The following AARS2 variants were observed in gnomAD, a reference collection of about 807,000 sequenced individuals.
AARS2 encodes alanyl-tRNA synthetase 2, mitochondrial, also known as alanine--tRNA ligase, mitochondrial.
AARS2 carries 78 observed loss-of-function variants against 119.7 expected under a neutral mutation model. The observed-to-expected ratio is 0.65, with a 90% CI of 0.54 to 0.79. AARS2 has a LOEUF of 0.79. Ranked by LOEUF, AARS2 falls within the 30% of genes least tolerant of loss-of-function variation. AARS2 has a pLI of 0.00. For synonymous variants in AARS2, 502 were observed against 526.3 expected (o/e 0.95, Z 0.63); for missense variants, 1,157 against 1,291.3 (o/e 0.90, Z 1.59).
At chr6:44,304,055 C>T (rs1785604743) in intron 14 of AARS2, 126 bp downstream of exon 14, 6 of 1,402,934 alleles carry the variant, frequency 4.3e-6, no homozygotes, top group Non-Finnish European at 5.9e-6. Flanking sequence ...CCCAGGGTCC[C>T]ATAGTGATTG....
intron 21 of AARS2, chr6:44,300,928 T>C: frequency 2.7e-6 from 2 of 729,702 alleles, no homozygotes; most frequent in East Asian, 2.7e-5. Context: ...TTACAAGGGA[T>C]GTGAGGCCTG....
At chr6:44,311,664 A>G in intron 2 of AARS2, 129 bp from the exon 3 acceptor site, 2 of 1,171,978 alleles carry the variant, frequency 1.7e-6, no homozygotes, top group Non-Finnish European at 2.4e-6. Flanking sequence ...TCTTGTTCCC[A>G]GAATAAGCCA....
At chr6:44,306,805 C>G in intron 7 of AARS2, 118 bp downstream of exon 7, 1 of 980,404 alleles carries the variant, frequency 1.0e-6, no homozygotes, top group Non-Finnish European at 1.6e-6. Flanking sequence ...GGATGCTGGG[C>G]TCGATATTTA....
intron 19 of AARS2, 147 bp downstream of exon 19, chr6:44,301,913 T>A (rs1785388952): frequency 3.7e-6 from 3 of 804,830 alleles, no homozygotes; most frequent in Non-Finnish European, 6.2e-6. Flanking sequence ...GCCTGGGTGA[T>A]GGTTCTCAGC....
At position 44,307,852 on chromosome 6, in the gene AARS2, T is replaced by A. The variant is rs1243238562; in HGVS notation, c.895-458A>T. Among the ~76,000 whole-genome samples, 2 of 151,696 alleles carry A rather than the reference T, an allele frequency of 1.3e-5. No homozygotes were observed. The highest frequency in any genetic ancestry group is 2.9e-5 in the Non-Finnish European group (2 of 67,912). On this transcript the variant is annotated intron_variant, in intron 5 of 21. Coordinates refer to ENST00000244571, the MANE Select transcript of AARS2 (RefSeq NM_020745.4). This position sits in a 1 kb window ranked among gnomAD's most constrained non-coding sequence, Gnocchi z 4.4. ...ACCTGTTCTTGCCTCTCCCATCTTT[T>A]GTGGGGGTGGGCAGGGAGGGAGAGT...
intron 1 of AARS2, among the ~76,000 whole-genome samples, chr6:44,312,805 C>T (rs1786478401): frequency 6.6e-6 from 1 of 152,086 alleles, no homozygotes; most frequent in Admixed American, 6.5e-5. Flanking sequence ...ATTTAAATAA[C>T]GAATAAATGA....
chr6:44,304,965 A>G (rs1403723649), intron 11 of AARS2, 89 bp downstream of exon 11: 21 of 1,610,586 alleles, frequency 1.3e-5, no homozygotes, highest in Non-Finnish European at 2.5e-6. Context: ...CCTGGGGAAT[A>G]CATAGGGGCT....
chr6:44,301,106 C>G (rs957406584), intron 21 of AARS2, 50 bp downstream of exon 21: 3 of 1,519,826 alleles, frequency 2.0e-6, no homozygotes, highest in Non-Finnish European at 2.7e-6. Flanking sequence ...GAGAGCTGGA[C>G]CAGGATGGGT....
intron 3 of AARS2, 90 bp from the exon 4 acceptor site, chr6:44,311,251 G>C: frequency 6.2e-7 from 1 of 1,601,544 alleles, no homozygotes; most frequent in Non-Finnish European, 8.6e-7. Flanking sequence ...TCAAGTCACA[G>C]CTCAGCAAGA....
rs1785946026 is a variant in AARS2, at chr6:44,307,328, A to G, written c.961T>C (p.Tyr321His). The G allele has an allele frequency of 1.9e-6, 3 of 1,613,284 alleles. No individual in the cohort carries two copies. Among genetic ancestry groups the G allele is most frequent in the Non-Finnish European group, 8.5e-7 (1 of 1,179,760 alleles). Residue 321 changes from tyrosine (Y) to histidine (H), a missense_variant, in exon 6 of 22, where the codon TAC (tyrosine) becomes CAC (histidine). Coordinates refer to ENST00000244571, the MANE Select transcript of AARS2 (RefSeq NM_020745.4). The surrounding 1 kb of genome is among the most constrained non-coding windows in gnomAD (Gnocchi z 4.4). ...CGGATGTGGTCAGCCACCACGCGGT[A>G]CGCTGTGTCTGTGCGCCCCTCGTCT... ...VADEGRTDTA[Y>H]RVVADHIRTL...
chr6:44,313,295 C>G lies in AARS2; in HGVS notation c.29G>C (p.Arg10Pro). ...CCTTCGAATGGCCCGCCGCAGCCTCCGGGCTGCAGCTGCCACTGACGCTGC... is the reference window on the plus strand; with the variant it reads ...CCTTCGAATGGCCCGCCGCAGCCTCGGGGCTGCAGCTGCCACTGACGCTGC... MAASVAAAARRLRRAIRRSP... is the reference protein window; with the variant it reads MAASVAAAAPRLRRAIRRSP... Residue 10 changes from arginine to proline, a missense_variant, in exon 1 of 22, where the codon CGG (arginine) becomes CCG (proline). Physicochemically the swap from Arg to Pro is moderately radical, Grantham distance 103. Coordinates refer to ENST00000244571, the MANE Select transcript of AARS2 (RefSeq NM_020745.4). The G allele has an allele frequency of 6.3e-7, 1 of 1,598,448 alleles. No individual in the cohort carries two copies. The highest frequency in any genetic ancestry group is 8.5e-7 in the Non-Finnish European group (1 of 1,176,942).
At position 44,307,293 on chromosome 6, in the gene AARS2, ACT is replaced by A; in HGVS notation, c.994_995del (p.Ser332CysfsTer5). On this transcript the variant is annotated frameshift_variant, in exon 6 of 22. Transcript: ENST00000244571. LOFTEE classifies it high-confidence loss of function. The surrounding 1 kb of genome is among the most constrained non-coding windows in gnomAD (Gnocchi z 4.4). Reference sequence around the variant, plus strand: ...GGAAGATGCCATCAGAGATGCAGACACTGAGTGTGCGGATGTGGTCAGCCACC... The same window carrying A: ...GGAAGATGCCATCAGAGATGCAGACAGAGTGTGCGGATGTGGTCAGCCACC... The part of the protein sequence containing the change: ...RVVADHIRTL[S>X]VCISDGIFPG... The A allele has an allele frequency of 6.2e-7, 1 of 1,613,924 alleles. No individual in the cohort carries two copies. Among genetic ancestry groups the A allele is most frequent in the South Asian group, 1.1e-5 (1 of 91,046 alleles).
At chr6:44,309,110 G>C (rs1172861104) in intron 5 of AARS2, among the ~76,000 whole-genome samples, 4 of 152,188 alleles carry the variant, frequency 2.6e-5, no homozygotes, top group Non-Finnish European at 5.9e-5. Flanking sequence ...CTGGCTTTGT[G>C]ACTTGCTTTG....
rs1405151241 is a variant in AARS2 at position 44,307,296 on chromosome 6, G to C, written c.993C>G (p.Leu331=). 6.2e-7 allele frequency: 1 copy of C among 1,613,916 alleles called. No individual in the cohort carries two copies. The highest frequency in any genetic ancestry group is 1.3e-5 in the African/African-American group (1 of 74,918). ...YRVVADHIRT[L]SVCISDGIFP... is the part of the protein sequence containing the mutation. ...AGATGCCATCAGAGATGCAGACACT[G>C]AGTGTGCGGATGTGGTCAGCCACCA... Residue 331 remains leucine, a synonymous_variant, in exon 6 of 22, where the codon CTC becomes CTG. Transcript: ENST00000244571. The surrounding 1 kb of genome is among the most constrained non-coding windows in gnomAD (Gnocchi z 4.4).
Position 44,300,448 on chromosome 6 carries a change from G to A in AARS2, c.*99C>T. 1 of 1,554,898 alleles carries A rather than the reference G, an allele frequency of 6.4e-7. No homozygotes were observed. The highest frequency in any genetic ancestry group is 8.8e-7 in the Non-Finnish European group (1 of 1,130,732). ...CTTTGGCTCAGCTGCTTGGCCTCCA[G>A]CCTCTAGTCCTCGCTTCAGCATGTG... On this transcript the variant is annotated 3_prime_UTR_variant, in exon 22 of 22. Transcript: ENST00000244571.
chr6:44,299,890 A>C lies in AARS2; in HGVS notation c.*657T>G, dbSNP rs1481241163. 7.3e-6 allele frequency: 1 copy of C among 136,570 alleles called. No individual in the cohort carries two copies. Among genetic ancestry groups the C allele is most frequent in the Non-Finnish European group, 1.6e-5 (1 of 62,364 alleles). 8.5% of individuals were successfully genotyped at this position (136,570 alleles called of 1,614,324 possible). A position where few individuals can be genotyped will look rare whatever the true frequency, so the allele number is the denominator to read the frequency against. ...ATTTGGATCCTGGGTGGCCTTTCAG[A>C]CAGTGTGAGTTCAGACTGGTCTTAG... On this transcript the variant is annotated 3_prime_UTR_variant, in exon 22 of 22. Transcript: ENST00000244571.
intron 5 of AARS2, among the ~76,000 whole-genome samples, chr6:44,308,884 G>A (rs1331502185): frequency 2.0e-5 from 3 of 152,096 alleles, no homozygotes; most frequent in Admixed American, 6.5e-5. Context: ...TTACAGGAGT[G>A]AGCCACCGTG....
At chr6:44,301,514 C>T in intron 19 of AARS2, 50 bp from the exon 20 acceptor site, 2 of 1,519,680 alleles carry the variant, frequency 1.3e-6, no homozygotes, top group East Asian at 2.2e-5. Context: ...AGGCAGGTTT[C>T]CAATTAGCCC....
rs571524093 is a variant in AARS2 at position 44,307,358 on chromosome 6, C to T, written c.931G>A (p.Val311Met). The T allele has an allele frequency of 2.5e-6, 4 of 1,610,268 alleles. No individual in the cohort carries two copies. The highest frequency in any genetic ancestry group is 3.4e-6 in the Non-Finnish European group (4 of 1,178,550). ...GTGTCTGTGCGCCCCTCGTCTGCCA[C>T]CCCTACTCGGCCCAAGTAAGGGGGT... ...RAPPYLGRVGVADEGRTDTAY... is the reference protein window; with the variant it reads ...RAPPYLGRVGMADEGRTDTAY... The change falls in exon 6 of 22, where the codon GTG (valine) becomes ATG (methionine). Residue 311 changes from valine (V) to methionine (M), a missense_variant. Physicochemically the swap from Val to Met is conservative, Grantham distance 21. Transcript: ENST00000244571. The surrounding 1 kb of genome is among the most constrained non-coding windows in gnomAD (Gnocchi z 4.4).
Sources: gnomAD v4.1 joint callset for allele counts (sites outside exome capture counted in the v4.1 genomes callset) on GRCh38, gnomAD v4.1.1 for gene constraint, Gnocchi (gnomAD v3.1) non-coding constraint, MANE v1.5 for transcripts, NCBI Gene and HGNC (gene_info 2026-07-23, HGNC 2026-07-21) for gene names.